Variants in PARD3B observed in about 807,000 individuals in gnomAD.
The protein encoded by PARD3B is partitioning defective 3 homolog B.
Under a neutral mutation model 130.2 loss-of-function variants are expected in PARD3B, and 103 were observed. The ratio of observed to expected loss-of-function variants is 0.79; its 90% CI spans 0.67 to 0.93. The LOEUF (loss-of-function observed/expected upper bound fraction) is 0.93. Among genes scored for constraint, PARD3B ranks in the 40% least tolerant of loss-of-function variants. The pLI, the probability that PARD3B is intolerant of heterozygous loss-of-function variation, is 0.00. For synonymous variants in PARD3B, 583 were observed against 553.2 expected, an observed-to-expected ratio of 1.05 and a Z score of -0.76; for missense variants, 1,609 against 1,499.2, an observed-to-expected ratio of 1.07 and a Z score of -1.21.
chr2:205,313,884 A>T (rs2042473029), intron 18 of PARD3B, among the ~76,000 whole-genome samples: 1 of 152,226 alleles, frequency 6.6e-6, no homozygotes, highest in Non-Finnish European at 1.5e-5. Flanking sequence ...CTTCATTAGC[A>T]TTTGAGGTTA....
At chr2:204,830,711 G>C (rs537153944) in intron 2 of PARD3B, among the ~76,000 whole-genome samples, 1 of 152,178 alleles carries the variant, frequency 6.6e-6, no homozygotes, top group African/African-American at 2.4e-5. Context: ...TGTCTCTGAC[G>C]TGGGAATGAG....
rs112162133 is a variant in PARD3B, at chr2:205,190,922, A to G, written c.2025-2283A>G. 6.6e-3 allele frequency among the ~76,000 whole-genome samples: 1,004 copies of G among 152,250 alleles called. 9 individuals are homozygous for G. The highest frequency in any genetic ancestry group is 0.022 in the African/African-American group (932 of 41,546). ...GGGCTGAAAAAATGAAAGTATTGCTATTAGGCCAGGCTAGTGTCAATAACA... is the reference window on the plus strand; with the variant it reads ...GGGCTGAAAAAATGAAAGTATTGCTGTTAGGCCAGGCTAGTGTCAATAACA... On this transcript the variant is annotated intron_variant, in intron 14 of 22. Transcript: ENST00000406610.
Position 205,322,510 on chromosome 2 carries a change from A to G in PARD3B, c.2630+20809A>G, listed in dbSNP as rs562113939. ...CGCCAGCTCTTACAAAAAACAAAGC[A>G]GTAGTATCCATGTGTGTTCCTCATC... On this transcript the variant is annotated intron_variant, in intron 18 of 22. Transcript: ENST00000406610. Among the ~76,000 whole-genome samples the G allele has an allele frequency of 7.2e-4, 110 of 152,334 alleles. 1 individual carries two copies. Among genetic ancestry groups the G allele is most frequent in the African/African-American group, 2.3e-3 (94 of 41,578 alleles).
intron 2 of PARD3B, among the ~76,000 whole-genome samples, chr2:204,860,543 G>A (rs545419192): frequency 6.6e-5 from 10 of 152,318 alleles, no homozygotes; most frequent in Admixed American, 5.9e-4. Context: ...CTTCTCCAGT[G>A]CTGCCAGCTT....
intron 15 of PARD3B, among the ~76,000 whole-genome samples, chr2:205,204,961 A>T (rs1274056310): frequency 6.6e-6 from 1 of 152,200 alleles, no homozygotes; most frequent in Non-Finnish European, 1.5e-5. Flanking sequence ...TGAAATTTAA[A>T]GTAGCTTTTC....
rs556541877 is a variant in PARD3B at position 205,236,945 on chromosome 2, T to A, written c.2141-8833T>A. Among the ~76,000 whole-genome samples, 113 of 152,300 alleles carry A rather than the reference T, an allele frequency of 7.4e-4. 1 individual carries two copies. Among genetic ancestry groups the A allele is most frequent in the African/African-American group, 2.5e-3 (105 of 41,564 alleles). On this transcript the variant is annotated intron_variant, in intron 15 of 22. Coordinates refer to ENST00000406610, the MANE Select transcript of PARD3B (RefSeq NM_001302769.2). ...CGTATAAAGAAGTGCAAGAGAATTA[T>A]AAAGTACAACATTCAGGATTGTGGT...
intron 2 of PARD3B, among the ~76,000 whole-genome samples, chr2:204,885,826 T>A (rs1420765372): frequency 5.9e-5 from 9 of 152,140 alleles, no homozygotes; most frequent in Non-Finnish European, 1.3e-4. Flanking sequence ...ATATCCTCAG[T>A]AGAGCTTCAC....
chr2:204,591,154 T>G (rs780518480), intron 1 of PARD3B, among the ~76,000 whole-genome samples: 13 of 152,238 alleles, frequency 8.5e-5, no homozygotes, highest in Non-Finnish European at 1.5e-4. Context: ...TAGAAAGTAT[T>G]ACTTCTAAAC....
In PARD3B at chr2:204,890,339, A is replaced by C. The variant is rs1260222574; in HGVS notation, c.223-74813A>C. Among the ~76,000 whole-genome samples the C allele has an allele frequency of 1.3e-5, 2 of 152,208 alleles. No homozygotes were observed. The highest frequency in any genetic ancestry group is 4.8e-5 in the African/African-American group (2 of 41,462). On this transcript the variant is annotated intron_variant, in intron 2 of 22. Transcript: ENST00000406610. The surrounding 1 kb of genome is among the most constrained non-coding windows in gnomAD (Gnocchi z 4.9). ...ATGGAACAGCATAATGGTCTTGGGA[A>C]TGCTTGTGTTTTCCTAATATATCCA...
intron 12 of PARD3B, among the ~76,000 whole-genome samples, chr2:205,172,636 C>G (rs528207379): frequency 5.3e-5 from 8 of 152,268 alleles, no homozygotes; most frequent in African/African-American, 1.9e-4. Context: ...GAGCTCTGAA[C>G]TTGTTCATAA....
At chr2:204,777,426 T>C (rs1443444008) in intron 2 of PARD3B, among the ~76,000 whole-genome samples, 1 of 152,162 alleles carries the variant, frequency 6.6e-6, no homozygotes, top group African/African-American at 2.4e-5. Context: ...ATAAGGTTTA[T>C]ATGAATTTAA....
At chr2:205,395,572 C>T (rs1423212398) in intron 18 of PARD3B, among the ~76,000 whole-genome samples, 1 of 152,098 alleles carries the variant, frequency 6.6e-6, no homozygotes, top group Non-Finnish European at 1.5e-5. Context: ...CTGGAATTTC[C>T]CAAAGATATA....
At chr2:204,728,412 A>G (rs1559094116) in intron 2 of PARD3B, among the ~76,000 whole-genome samples, 1 of 152,112 alleles carries the variant, frequency 6.6e-6, no homozygotes, top group Non-Finnish European at 1.5e-5. Flanking sequence ...AATCCTACAC[A>G]AGTTCATGTG....
rs2037034035 is a variant in PARD3B at position 205,202,236 on chromosome 2, C to T, written c.2140+8916C>T. ...ATAGATCACTATAATATAACTTGAT[C>T]AATATTTCAGATGTAGCGGAATAAG... On this transcript the variant is annotated intron_variant, in intron 15 of 22. Transcript: ENST00000406610. 2.0e-5 allele frequency among the ~76,000 whole-genome samples: 3 copies of T among 152,222 alleles called. No individual in the cohort carries two copies. The South Asian group carries it at 6.2e-4, about 32-fold the overall frequency.
At chr2:204,884,383 A>G (rs547947830) in intron 2 of PARD3B, among the ~76,000 whole-genome samples, 1 of 152,320 alleles carries the variant, frequency 6.6e-6, no homozygotes, top group Non-Finnish European at 1.5e-5. Context: ...AATTTCCTAT[A>G]TTTTATTTGA....
At chr2:205,505,280 A>T (rs553595101) in intron 21 of PARD3B, among the ~76,000 whole-genome samples, 180 of 152,266 alleles carry the variant, frequency 1.2e-3, no homozygotes, top group African/African-American at 4.0e-3. Flanking sequence ...TAGGAGATAT[A>T]CCTAATGTTA....
At chr2:204,699,865 A>G (rs1052870212) in intron 2 of PARD3B, among the ~76,000 whole-genome samples, 2 of 152,300 alleles carry the variant, frequency 1.3e-5, no homozygotes, top group South Asian at 2.1e-4. Flanking sequence ...CCAATCTGAG[A>G]TGAATCTTGT....
At chr2:205,127,972 GA>G (rs2031626379) in intron 10 of PARD3B, among the ~76,000 whole-genome samples, 1 of 152,132 alleles carries the variant, frequency 6.6e-6, no homozygotes, top group Non-Finnish European at 1.5e-5. Context: ...GGGTCAAAGT[GA>G]AAAGAAACAA....
At chr2:205,307,203 G>A (rs900262956) in intron 18 of PARD3B, among the ~76,000 whole-genome samples, 1 of 152,154 alleles carries the variant, frequency 6.6e-6, no homozygotes, top group Non-Finnish European at 1.5e-5. Flanking sequence ...TGGTCCATTT[G>A]TGTCAATAAT....
Sources: allele counts gnomAD v4.1 joint callset (sites outside exome capture counted in the v4.1 genomes callset), GRCh38; gene constraint gnomAD v4.1.1; non-coding constraint Gnocchi (gnomAD v3.1); transcripts MANE v1.5; gene names NCBI Gene and HGNC (gene_info 2026-07-23, HGNC 2026-07-21).